TACR1: variants seen among roughly 807,000 people sequenced by gnomAD.
TACR1 encodes tachykinin receptor 1.
TACR1 carries 25 observed loss-of-function variants against 35.8 expected under a neutral mutation model. The ratio of observed to expected loss-of-function variants is 0.70; its 90% CI spans 0.51 to 0.98. TACR1 has a LOEUF of 0.98. Ranked by LOEUF, TACR1 falls within the 50% of genes least tolerant of loss-of-function variation. The probability of loss-of-function intolerance (pLI) is 0.00; values close to 1 mark genes in which losing one functional copy is unlikely to be tolerated. For missense variants in TACR1, 478 were observed against 522.9 expected, an observed-to-expected ratio of 0.91 and a Z score of 0.84; for synonymous variants, 195 against 206.7, an observed-to-expected ratio of 0.94 and a Z score of 0.48.
At chr2:75,151,498 C>T (rs529012216) in intron 1 of TACR1, among the ~76,000 whole-genome samples, 27 of 152,332 alleles carry the variant, frequency 1.8e-4, no homozygotes, top group Admixed American at 5.9e-4. Context: ...GGTGTTGAGC[C>T]TGCAGGTGCA....
intron 1 of TACR1, among the ~76,000 whole-genome samples, chr2:75,129,767 T>TTC (rs1189480601): frequency 2.0e-5 from 3 of 152,220 alleles, no homozygotes; most frequent in African/African-American, 2.4e-5. Context: ...GTTTCCCTGA[T>TTC]TCTCTAGCCT....
At chr2:75,085,875 C>T (rs1459539507) in intron 2 of TACR1, among the ~76,000 whole-genome samples, 1 of 152,144 alleles carries the variant, frequency 6.6e-6, no homozygotes, top group Non-Finnish European at 1.5e-5. Context: ...TCTCTGATCC[C>T]CTCTGGAATT....
At chr2:75,108,660 A>C (rs184033567) in intron 2 of TACR1, among the ~76,000 whole-genome samples, 1 of 152,328 alleles carries the variant, frequency 6.6e-6, no homozygotes, top group Admixed American at 6.5e-5. Flanking sequence ...AGCAGAAATA[A>C]GAGGCATAAC....
intron 1 of TACR1, among the ~76,000 whole-genome samples, chr2:75,136,206 C>T (rs576780700): frequency 6.6e-6 from 1 of 152,164 alleles, no homozygotes; most frequent in Non-Finnish European, 1.5e-5. Flanking sequence ...CTGTACAGCC[C>T]TCACTCCAGC....
intron 1 of TACR1, among the ~76,000 whole-genome samples, chr2:75,180,872 C>T (rs1400246704): frequency 3.9e-5 from 6 of 152,190 alleles, no homozygotes; most frequent in Non-Finnish European, 7.3e-5. Flanking sequence ...ACTGATACAG[C>T]AGAGGCTCAA....
At chr2:75,081,324 C>G (rs567322821) in intron 2 of TACR1, among the ~76,000 whole-genome samples, 1 of 152,230 alleles carries the variant, frequency 6.6e-6, no homozygotes, top group East Asian at 1.9e-4. Context: ...ATACAGGGGT[C>G]CCACGAAGGC....
intron 1 of TACR1, 114 bp from the exon 2 acceptor site, chr2:75,120,882 A>C: frequency 1.2e-6 from 1 of 846,878 alleles, no homozygotes; most frequent in East Asian, 2.8e-5. Context: ...ATTCCTGATG[A>C]TTTGTACAAT....
intron 2 of TACR1, among the ~76,000 whole-genome samples, chr2:75,066,622 G>A (rs569598176): frequency 6.6e-6 from 1 of 152,256 alleles, no homozygotes; most frequent in East Asian, 1.9e-4. Context: ...GCCTGTTCTT[G>A]TCTTGAACCC....
intron 1 of TACR1, among the ~76,000 whole-genome samples, chr2:75,196,653 C>T (rs970712139): frequency 1.3e-5 from 2 of 152,156 alleles, no homozygotes; most frequent in African/African-American, 2.4e-5. Flanking sequence ...CTCTGACTCT[C>T]ATCCCCACCC....
Position 75,046,545 on chromosome 2 carries a change from C to T in TACR1, c.*2887G>A, listed in dbSNP as rs1040052288. ...AAACACGGAAACCTCAGGAATGGCCCCTCTCCACTTATACTCCTCTCCTCA... is the reference window on the plus strand; with the variant it reads ...AAACACGGAAACCTCAGGAATGGCCTCTCTCCACTTATACTCCTCTCCTCA... On this transcript the variant is annotated 3_prime_UTR_variant, in exon 5 of 5. Coordinates refer to ENST00000305249, the MANE Select transcript of TACR1 (RefSeq NM_001058.4). The T allele has an allele frequency of 5.3e-5, 8 of 152,146 alleles. No homozygotes were observed. The highest frequency in any genetic ancestry group is 1.9e-4 in the African/African-American group (8 of 41,418). The allele number at this position is 152,146 out of a possible 1,614,324, so 9.4% of individuals were successfully genotyped here. A position where few individuals can be genotyped will look rare whatever the true frequency, so the allele number is the denominator to read the frequency against.
chr2:75,170,298 G>A (rs552222904), intron 1 of TACR1, among the ~76,000 whole-genome samples: 1 of 152,280 alleles, frequency 6.6e-6, no homozygotes, highest in African/African-American at 2.4e-5. Context: ...AAGCTCTCTT[G>A]CCTGTTGCCA....
In TACR1 at chr2:75,049,104, A is replaced by C. The variant is rs922715907; in HGVS notation, c.*328T>G. 9 of 280,196 alleles carry C rather than the reference A, an allele frequency of 3.2e-5. No homozygotes were observed. Among genetic ancestry groups the C allele is most frequent in the Non-Finnish European group, 5.3e-5 (8 of 149,684 alleles). 17.4% of individuals were successfully genotyped at this position (280,196 alleles called of 1,614,324 possible). ...GGTCCGCAGCTGTGCTGCAGAATTCATCCTGAAATGAGCACTCGCATGCAG... is the reference window on the plus strand; with the variant it reads ...GGTCCGCAGCTGTGCTGCAGAATTCCTCCTGAAATGAGCACTCGCATGCAG... On this transcript the variant is annotated 3_prime_UTR_variant, in exon 5 of 5. Coordinates refer to ENST00000305249, the MANE Select transcript of TACR1 (RefSeq NM_001058.4).
chr2:75,051,303 C>G lies in TACR1; in HGVS notation c.880G>C (p.Ala294Pro). 1.9e-6 allele frequency: 3 copies of G among 1,614,170 alleles called. No individual in the cohort carries two copies. Among genetic ancestry groups the G allele is most frequent in the Non-Finnish European group, 2.5e-6 (3 of 1,180,020 alleles). ...GGGTTGTACATGGTGGAGCTCATGG[C>G]CAGCCACATGATGGCCAGGTAGACC... is the stretch of plus-strand genomic sequence containing the variant. ...QQVYLAIMWL[A>P]MSSTMYNPII... The change falls in exon 4 of 5, where the codon GCC (alanine) becomes CCC (proline). Residue 294 changes from alanine to proline, a missense_variant. By Grantham distance (27) the Ala-to-Pro change is conservative. Coordinates refer to ENST00000305249, the MANE Select transcript of TACR1 (RefSeq NM_001058.4).
At chr2:75,059,610 G>C (rs767757759) in intron 2 of TACR1, among the ~76,000 whole-genome samples, 24 of 152,202 alleles carry the variant, frequency 1.6e-4, no homozygotes, top group Non-Finnish European at 2.2e-4. Context: ...AACTGATGCA[G>C]TTCCTCCTTA....
At chr2:75,154,407 C>CG (rs572216163) in intron 1 of TACR1, 2 of 88,404 alleles carry the variant, frequency 2.3e-5, no homozygotes, top group Non-Finnish European at 5.1e-5. Context: ...CAAGAGCGCG[C>CG]ACGCACACAC....
At chr2:75,150,213 A>G (rs1373322212) in intron 1 of TACR1, among the ~76,000 whole-genome samples, 1 of 152,226 alleles carries the variant, frequency 6.6e-6, no homozygotes, top group Non-Finnish European at 1.5e-5. Flanking sequence ...GGTGAATGAC[A>G]TTGAATTGCC....
intron 1 of TACR1, chr2:75,154,401 A>AGCGCGCGCGTGCGCGC (rs142809732): frequency 1.3e-5 from 1 of 76,444 alleles, no homozygotes; most frequent in Non-Finnish European, 2.7e-5. Flanking sequence ...ATCAGCCAAG[A>AGCGCGCGCGTGCGCGC]GCGCGCACGC....
chr2:75,090,053 C>G (rs1572923480), intron 2 of TACR1, among the ~76,000 whole-genome samples: 2 of 152,154 alleles, frequency 1.3e-5, no homozygotes, highest in Admixed American at 6.6e-5. Context: ...CATACATTTG[C>G]TAAAACAAAT....
At chr2:75,055,483 C>CCT (rs2103786731) in intron 2 of TACR1, among the ~76,000 whole-genome samples, 1 of 152,264 alleles carries the variant, frequency 6.6e-6, no homozygotes, top group East Asian at 1.9e-4. Context: ...GATCTCAGTC[C>CCT]CTCCTGGTTG....
Sources: allele counts gnomAD v4.1 joint callset (sites outside exome capture counted in the v4.1 genomes callset), GRCh38; gene constraint gnomAD v4.1.1; transcripts MANE v1.5; gene names NCBI Gene and HGNC (gene_info 2026-07-23, HGNC 2026-07-21).